Variants in ZRANB3 observed in about 807,000 individuals in gnomAD.
The protein encoded by ZRANB3 is DNA annealing helicase and endonuclease ZRANB3.
ZRANB3 carries 125 observed loss-of-function variants against 133.8 expected under a neutral mutation model. That is an observed-to-expected ratio of 0.93 (90% confidence interval 0.81 to 1.08). The LOEUF is 1.08. ZRANB3 is among the 50% of genes least tolerant of loss of function. ZRANB3 has a pLI of 0.00. For missense variants in ZRANB3, 1,229 were observed against 1,275.5 expected, an observed-to-expected ratio of 0.96 and a Z score of 0.56; for synonymous variants, 387 against 432.7, an observed-to-expected ratio of 0.89 and a Z score of 1.31.
chr2:135,465,921 CTCA>C (rs1204241320), intron 2 of ZRANB3, among the ~76,000 whole-genome samples: 2 of 151,864 alleles, frequency 1.3e-5, no homozygotes, highest in Non-Finnish European at 2.9e-5. Context: ...TGAAAAAAAG[CTCA>C]TCATATTTAT....
At chr2:135,263,477 T>C (rs1323185048) in intron 12 of ZRANB3, among the ~76,000 whole-genome samples, 1 of 152,150 alleles carries the variant, frequency 6.6e-6, no homozygotes, top group Non-Finnish European at 1.5e-5. Context: ...GAAGCAACGA[T>C]AGCCCAGAGG....
rs774613775 is a variant in ZRANB3, at chr2:135,224,530, A to T, written c.2159-13T>A. On this transcript the variant is annotated splice_polypyrimidine_tract_variant and intron_variant, in intron 14 of 20. Coordinates refer to ENST00000264159, the MANE Select transcript of ZRANB3 (RefSeq NM_032143.4). ...CTCTTCCACTGTTCTATTAAAGAAG[A>T]CAAAAGAGAACCTGAAGGCTTATCT... The T allele has an allele frequency of 6.2e-6, 10 of 1,600,326 alleles. No individual in the cohort carries two copies. The highest frequency in any genetic ancestry group is 1.3e-5 in the African/African-American group (1 of 74,640).
intron 1 of ZRANB3, among the ~76,000 whole-genome samples, chr2:135,516,666 C>G (rs80034802): frequency 0.11 from 16,714 of 152,112 alleles, 1,197 homozygotes; most frequent in South Asian, 0.32. Flanking sequence ...CCCTTCGTTA[C>G]CCAGGTAACC....
chr2:135,248,155 AC>A (rs1695887041), intron 12 of ZRANB3, among the ~76,000 whole-genome samples: 1 of 152,182 alleles, frequency 6.6e-6, no homozygotes, highest in African/African-American at 2.4e-5. Context: ...GCCCTCAGCT[AC>A]TTTAGTAGCC....
intron 17 of ZRANB3, 72 bp from the exon 18 acceptor site, chr2:135,209,050 T>C (rs1263017397): frequency 3.9e-5 from 55 of 1,398,460 alleles, no homozygotes; most frequent in Non-Finnish European, 6.0e-6. Context: ...GTTTACATTG[T>C]TCCTTGCAAA....
At chr2:135,528,615 A>G (rs949915504) in intron 1 of ZRANB3, among the ~76,000 whole-genome samples, 15 of 152,126 alleles carry the variant, frequency 9.9e-5, no homozygotes, top group Non-Finnish European at 2.1e-4. Flanking sequence ...TAGTGACTAG[A>G]TTTACACTGG....
intron 12 of ZRANB3, among the ~76,000 whole-genome samples, chr2:135,232,302 C>G (rs1172192609): frequency 6.6e-6 from 1 of 152,240 alleles, no homozygotes; most frequent in Non-Finnish European, 1.5e-5. Context: ...GAAGCTCGAA[C>G]TGGGTGGAGC....
chr2:135,381,045 G>A (rs1305939518), intron 3 of ZRANB3, among the ~76,000 whole-genome samples: 1 of 152,168 alleles, frequency 6.6e-6, no homozygotes, highest in Non-Finnish European at 1.5e-5. Context: ...AGCCTAAGCA[G>A]GGTAAGGCAT....
intron 12 of ZRANB3, among the ~76,000 whole-genome samples, chr2:135,259,776 CTT>C (rs536637582): frequency 2.7e-5 from 4 of 145,586 alleles, no homozygotes; most frequent in Non-Finnish European, 3.0e-5. Flanking sequence ...AATTAGAGTC[CTT>C]TTTTTTTTTG....
intron 2 of ZRANB3, among the ~76,000 whole-genome samples, chr2:135,449,894 A>G (rs945340320): frequency 6.6e-6 from 1 of 152,088 alleles, no homozygotes; most frequent in Non-Finnish European, 1.5e-5. Flanking sequence ...AGTACCTGGG[A>G]CTATAGGCAA....
rs1004810555 is a variant in ZRANB3 at position 135,348,095 on chromosome 2, C to G, written c.591+1889G>C. Among the ~76,000 whole-genome samples, 152 of 151,944 alleles carry G rather than the reference C, an allele frequency of 1.0e-3. 1 individual carries two copies. The highest frequency in any genetic ancestry group is 3.5e-3 in the African/African-American group (144 of 41,448). The stretch of plus-strand genomic sequence containing the variant: ...CCAACATGGTAAAATCCCGTCTCTA[C>G]TCAAAATACAAAAATGTGCCGGGTG... On this transcript the variant is annotated intron_variant, in intron 5 of 20. Coordinates refer to ENST00000264159, the MANE Select transcript of ZRANB3 (RefSeq NM_032143.4).
rs148416160 is a variant in ZRANB3 at position 135,253,598 on chromosome 2, G to A, written c.1539+11936C>T. On this transcript the variant is annotated intron_variant, in intron 12 of 20. Transcript: ENST00000264159. ...TACCTGGTATAGCCTGTTACTCCTA[G>A]ACTATAAACCTGTACAGCAGTTACA... Among the ~76,000 whole-genome samples the A allele has an allele frequency of 3.6e-3, 544 of 152,222 alleles. 6 individuals are homozygous for A. In the Middle Eastern group the frequency reaches 0.045, roughly 12 times the overall value.
At chr2:135,265,891 C>T (rs190476797) in intron 11 of ZRANB3, among the ~76,000 whole-genome samples, 343 of 152,292 alleles carry the variant, frequency 2.3e-3, no homozygotes, top group African/African-American at 5.9e-3. Flanking sequence ...TGGATTCCTC[C>T]TCTTGGCCAA....
intron 3 of ZRANB3, among the ~76,000 whole-genome samples, chr2:135,372,948 G>A (rs1019090403): frequency 2.0e-5 from 3 of 151,614 alleles, no homozygotes; most frequent in African/African-American, 7.3e-5. Context: ...CTGATGTGGT[G>A]ACATACACCT....
At chr2:135,480,443 C>T (rs541312593) in intron 2 of ZRANB3, among the ~76,000 whole-genome samples, 15 of 152,032 alleles carry the variant, frequency 9.9e-5, no homozygotes, top group African/African-American at 3.1e-4. Flanking sequence ...AACAGCACAC[C>T]TAAATGGGTA....
intron 2 of ZRANB3, among the ~76,000 whole-genome samples, chr2:135,392,709 C>T (rs1687297278): frequency 6.6e-6 from 1 of 152,156 alleles, no homozygotes; most frequent in African/African-American, 2.4e-5. Flanking sequence ...GATCATGCCA[C>T]TGCACTCCAG....
intron 3 of ZRANB3, among the ~76,000 whole-genome samples, chr2:135,355,973 G>C (rs1253375680): frequency 6.6e-6 from 1 of 151,988 alleles, no homozygotes; most frequent in East Asian, 1.9e-4. Context: ...AAATTTACTT[G>C]GTGCCAGTCA....
intron 17 of ZRANB3, among the ~76,000 whole-genome samples, chr2:135,215,721 A>G (rs1694277215): frequency 6.6e-6 from 1 of 152,170 alleles, no homozygotes; most frequent in Non-Finnish European, 1.5e-5. Context: ...ATCCTGGCAT[A>G]AAGTGTAAAG....
rs1694361946 is a variant in ZRANB3, at chr2:135,217,535, G to A, written c.2425C>T (p.Leu809=). Residue 809 remains leucine, a synonymous_variant, in exon 17 of 21, where the codon CTA becomes TTA. Transcript: ENST00000264159. ...KQRIIRKSGQ[L]FCSPILALEE... ...AAAGCAAGAATTGGGCTACAGAATA[G>A]CTGTCCACTTTTCCTGATTATCCTT... 1 of 1,613,616 alleles carries A rather than the reference G, an allele frequency of 6.2e-7. No individual in the cohort carries two copies. Among genetic ancestry groups the A allele is most frequent in the Admixed American group, 1.7e-5 (1 of 59,992 alleles).
Sources: allele counts gnomAD v4.1 joint callset (sites outside exome capture counted in the v4.1 genomes callset), GRCh38; gene constraint gnomAD v4.1.1; transcripts MANE v1.5; gene names NCBI Gene and HGNC (gene_info 2026-07-23, HGNC 2026-07-21).